Variants in SBNO1 observed in about 807,000 individuals in gnomAD.
SBNO1 encodes strawberry notch homolog 1.
In SBNO1, 23 loss-of-function variants were observed where a neutral mutation model predicts 173.6. The observed-to-expected ratio is 0.13, with a 90% CI of 0.10 to 0.19. The LOEUF is 0.19. Among genes scored for constraint, SBNO1 ranks in the 10% least tolerant of loss-of-function variants. The probability of loss-of-function intolerance (pLI) is 1.00; values close to 1 mark genes in which losing one functional copy is unlikely to be tolerated. For missense variants in SBNO1, 1,238 were observed against 1,671.2 expected (o/e 0.74, Z 4.52); for synonymous variants, 632 against 571.5 (o/e 1.11, Z -1.51).
chr12:123,356,526 C>T lies in SBNO1; in HGVS notation c.1-6085G>A, dbSNP rs555175465. Among the ~76,000 whole-genome samples the T allele has an allele frequency of 1.6e-4, 24 of 152,274 alleles. 1 individual carries two copies. The highest frequency in any genetic ancestry group is 5.3e-4 in the African/African-American group (22 of 41,540). On this transcript the variant is annotated intron_variant, in intron 1 of 31. Transcript: ENST00000602398. ...TCTCAGCTCACTGCAACCTTGAATCCGCCCCCCTGGGTTCAAGCGATTCTC... is the reference window on the plus strand; with the variant it reads ...TCTCAGCTCACTGCAACCTTGAATCTGCCCCCCTGGGTTCAAGCGATTCTC...
Position 123,295,193 on chromosome 12 carries a change from G to A in SBNO1, c.*715C>T, listed in dbSNP as rs1412514858. 5 of 152,182 alleles carry A rather than the reference G, an allele frequency of 3.3e-5. No individual in the cohort carries two copies. Among genetic ancestry groups the A allele is most frequent in the African/African-American group, 1.2e-4 (5 of 41,438 alleles). 9.4% of individuals were successfully genotyped at this position (152,182 alleles called of 1,614,324 possible). ...TACCTTGACCAGAAACCCAGGGCAGGGAGAAGGGGAAGGAGGGGTCTGCAG... is the reference window on the plus strand; with the variant it reads ...TACCTTGACCAGAAACCCAGGGCAGAGAGAAGGGGAAGGAGGGGTCTGCAG... On this transcript the variant is annotated 3_prime_UTR_variant, in exon 32 of 32. Transcript: ENST00000602398.
At position 123,330,509 on chromosome 12, in the gene SBNO1, C is replaced by A. The variant is rs1183817825; in HGVS notation, c.1044G>T (p.Trp348Cys). Reference protein sequence around the residue: ...NYLLSRKRALWFSVSNDLKYD... With the variant: ...NYLLSRKRALCFSVSNDLKYD... ...ACTTTAAGTCATTTGAAACACTAAACCTGCCAAAATATTAAAAAGCACAAA... is the reference window on the plus strand; with the variant it reads ...ACTTTAAGTCATTTGAAACACTAAAACTGCCAAAATATTAAAAAGCACAAA... The change falls in exon 9 of 32, where the codon TGG (tryptophan) becomes TGT (cysteine). Residue 348 changes from tryptophan to cysteine, a missense_variant and splice_region_variant. Physicochemically the swap from Trp to Cys is radical, Grantham distance 215 (BLOSUM62 -2). Coordinates refer to ENST00000602398, the MANE Select transcript of SBNO1 (RefSeq NM_001167856.3). 1 of 1,553,030 alleles carries A rather than the reference C, an allele frequency of 6.4e-7. No homozygotes were observed. The highest frequency in any genetic ancestry group is 8.8e-7 in the Non-Finnish European group (1 of 1,140,390).
intron 4 of SBNO1, among the ~76,000 whole-genome samples, chr12:123,344,943 TATTTGTAAAGG>T (rs935179462): frequency 2.6e-4 from 39 of 152,320 alleles, no homozygotes; most frequent in African/African-American, 8.2e-4. Context: ...AGTAAACAGC[TATTTGTAAAGG>T]ATTTGTAAAG....
intron 1 of SBNO1, chr12:123,364,402 G>A (rs997280761): frequency 4.1e-6 from 4 of 985,474 alleles, no homozygotes; most frequent in African/African-American, 3.5e-5. Context: ...GTCCAAGAGG[G>A]GTGCCTCCGG....
chr12:123,352,581 C>A (rs1874003541), intron 1 of SBNO1, among the ~76,000 whole-genome samples: 1 of 152,216 alleles, frequency 6.6e-6, no homozygotes, highest in African/African-American at 2.4e-5. Context: ...CCGTGAGCCA[C>A]TGTGCCCGGC....
In SBNO1 at chr12:123,325,492, A is replaced by T. The variant is rs766390149; in HGVS notation, c.1973+10T>A. ...AAGAAACAAAAACATTAAAAGAACA[A>T]AAACATTACTTGGCAGTTGAAACAA... On this transcript the variant is annotated intron_variant, in intron 15 of 31. Coordinates refer to ENST00000602398, the MANE Select transcript of SBNO1 (RefSeq NM_001167856.3). 6.3e-7 allele frequency: 1 copy of T among 1,585,184 alleles called. No individual in the cohort carries two copies. The highest frequency in any genetic ancestry group is 8.7e-7 in the Non-Finnish European group (1 of 1,154,806).
intron 29 of SBNO1, among the ~76,000 whole-genome samples, 168 bp from the exon 30 acceptor site, chr12:123,303,068 C>G (rs1237314733): frequency 1.3e-5 from 2 of 152,182 alleles, no homozygotes; most frequent in East Asian, 1.9e-4. Context: ...CTCTGTCATG[C>G]TGGTTCCTCT....
intron 30 of SBNO1, among the ~76,000 whole-genome samples, chr12:123,302,292 G>C (rs1005016591): frequency 1.3e-5 from 2 of 148,720 alleles, no homozygotes; most frequent in Non-Finnish European, 3.0e-5. Context: ...CCCCAGGCTG[G>C]AGTGCAATGG....
At chr12:123,350,526 T>A in intron 1 of SBNO1, 85 bp from the exon 2 acceptor site, 1 of 1,070,426 alleles carries the variant, frequency 9.3e-7, no homozygotes, top group South Asian at 1.3e-5. Context: ...AATCCAACAA[T>A]CTCTATTAGA....
intron 9 of SBNO1, among the ~76,000 whole-genome samples, chr12:123,329,340 C>T (rs1870923326): frequency 6.6e-6 from 1 of 151,014 alleles, no homozygotes; most frequent in Middle Eastern, 3.5e-3. Flanking sequence ...GAGATTGTGC[C>T]ACTGCACTTC....
intron 29 of SBNO1, among the ~76,000 whole-genome samples, chr12:123,303,246 G>A (rs1279040325): frequency 6.6e-6 from 1 of 152,142 alleles, no homozygotes; most frequent in Non-Finnish European, 1.5e-5. Flanking sequence ...TAAACATAGA[G>A]GCATCCTCAC....
At position 123,362,768 on chromosome 12, in the gene SBNO1, C is replaced by CA. The variant is rs10587512; in HGVS notation, c.-1+1932dup. Among the ~76,000 whole-genome samples the CA allele has an allele frequency of 1.1e-3, 81 of 76,462 alleles. 2 individuals are homozygous for CA. Among genetic ancestry groups the CA allele is most frequent in the Middle Eastern group, 6.4e-3 (1 of 156 alleles). The allele number at this position is 76,462 out of a possible 152,430, so 50.2% of individuals were successfully genotyped here. A position where few individuals can be genotyped will look rare whatever the true frequency, so the allele number is the denominator to read the frequency against. On this transcript the variant is annotated intron_variant, in intron 1 of 31. Transcript: ENST00000602398. ...TGGGCAACACAGCAAGACTCCGCCT[C>CA]AAAAAAAAAAAAAAAAAAAAAAAAG...
Position 123,292,148 on chromosome 12 carries a change from C to G in SBNO1, c.*3760G>C, listed in dbSNP as rs998564335. The G allele has an allele frequency of 6.6e-6, 1 of 152,040 alleles. No homozygotes were observed. Among genetic ancestry groups the G allele is most frequent in the Non-Finnish European group, 1.5e-5 (1 of 68,044 alleles). The allele number at this position is 152,040 out of a possible 1,614,324, so 9.4% of individuals were successfully genotyped here. ...GTGGTGTTAGCCAGGGAGACCGAAG[C>G]CACACAGAAGGGGAGTCAGTAAATG... On this transcript the variant is annotated 3_prime_UTR_variant, in exon 32 of 32. Transcript: ENST00000602398.
In SBNO1 at chr12:123,330,522, TAA is replaced by T. The variant is rs1871087982; in HGVS notation, c.1044-15_1044-14del. ...TGAAACACTAAACCTGCCAAAATAT[TAA>T]AAAGCACAAATTAAATACAAATTAT... On this transcript the variant is annotated splice_polypyrimidine_tract_variant and intron_variant, in intron 8 of 31. Coordinates refer to ENST00000602398, the MANE Select transcript of SBNO1 (RefSeq NM_001167856.3). The T allele has an allele frequency of 7.0e-7, 1 of 1,430,680 alleles. No homozygotes were observed. The highest frequency in any genetic ancestry group is 9.7e-7 in the Non-Finnish European group (1 of 1,034,808). 88.6% of individuals were successfully genotyped at this position (1,430,680 alleles called of 1,614,324 possible).
intron 5 of SBNO1, among the ~76,000 whole-genome samples, chr12:123,337,794 C>CTT (rs558698243): frequency 6.6e-4 from 100 of 152,234 alleles, no homozygotes; most frequent in African/African-American, 2.4e-3. Flanking sequence ...CCACCCCCAC[C>CTT]GTCTAACCCT....
At chr12:123,322,758 T>G (rs1870136269) in intron 16 of SBNO1, among the ~76,000 whole-genome samples, 1 of 151,422 alleles carries the variant, frequency 6.6e-6, no homozygotes, top group Non-Finnish European at 1.5e-5. Context: ...ATACAAAAAT[T>G]AGCAGGGCGT....
intron 16 of SBNO1, among the ~76,000 whole-genome samples, chr12:123,322,846 C>T (rs1593361654): frequency 1.3e-5 from 2 of 150,872 alleles, no homozygotes; most frequent in East Asian, 3.9e-4. Flanking sequence ...TACCACTGCA[C>T]TCCAGCCTGG....
intron 1 of SBNO1, among the ~76,000 whole-genome samples, chr12:123,361,085 A>G (rs1205986276): frequency 6.6e-6 from 1 of 152,192 alleles, no homozygotes; most frequent in African/African-American, 2.4e-5. Context: ...CTCTGCTAAA[A>G]ATACAAAAAT....
intron 1 of SBNO1, among the ~76,000 whole-genome samples, chr12:123,362,422 C>CGA (rs1314585119): frequency 9.0e-6 from 1 of 111,660 alleles, no homozygotes; most frequent in Admixed American, 1.3e-4. Flanking sequence ...GGCCACTGAG[C>CGA]GAGACTCCGT....
Sources: gnomAD v4.1 joint callset for allele counts (sites outside exome capture counted in the v4.1 genomes callset) on GRCh38, gnomAD v4.1.1 for gene constraint, MANE v1.5 for transcripts, NCBI Gene and HGNC (gene_info 2026-07-23, HGNC 2026-07-21) for gene names.